IQCM: variants seen among roughly 807,000 people sequenced by gnomAD.
IQCM encodes the protein IQ domain-containing protein M.
Under a neutral mutation model 57.6 loss-of-function variants are expected in IQCM, and 45 were observed. That is an observed-to-expected ratio of 0.78 (90% confidence interval 0.62 to 1.00). IQCM has a LOEUF of 1.00. IQCM is among the 50% of genes least tolerant of loss of function. The probability of loss-of-function intolerance (pLI) is 0.00; values close to 1 mark genes in which losing one functional copy is unlikely to be tolerated. For missense variants in IQCM, 468 were observed against 511.6 expected (o/e 0.91, Z 0.82); for synonymous variants, 148 against 158.9 (o/e 0.93, Z 0.51).
At chr4:149,799,218 A>G (rs1220620364) in intron 2 of IQCM, among the ~76,000 whole-genome samples, 1 of 151,910 alleles carries the variant, frequency 6.6e-6, no homozygotes, top group East Asian at 1.9e-4. Context: ...AAATACATGG[A>G]AATTAAACAA....
At chr4:149,662,899 A>G (rs922327271) in intron 7 of IQCM, among the ~76,000 whole-genome samples, 1 of 151,976 alleles carries the variant, frequency 6.6e-6, no homozygotes, top group South Asian at 2.1e-4. Flanking sequence ...ACCCATTTAC[A>G]TTCTACATTA....
intron 12 of IQCM, among the ~76,000 whole-genome samples, chr4:149,532,376 C>T (rs1324561592): frequency 2.0e-5 from 3 of 151,996 alleles, no homozygotes; most frequent in Non-Finnish European, 4.4e-5. Flanking sequence ...AATAATATTT[C>T]CCAAGAATCA....
chr4:149,451,565 A>G (rs1223312508), intron 12 of IQCM, among the ~76,000 whole-genome samples: 1 of 151,838 alleles, frequency 6.6e-6, no homozygotes, highest in Non-Finnish European at 1.5e-5. Context: ...TCAGACAAAA[A>G]GTCTAAAGAC....
At chr4:149,418,013 G>T (rs1047721078) in intron 13 of IQCM, among the ~76,000 whole-genome samples, 1 of 151,356 alleles carries the variant, frequency 6.6e-6, no homozygotes, top group South Asian at 2.1e-4. Flanking sequence ...CAAAAAGCTA[G>T]GAAGATCTCA....
intron 2 of IQCM, among the ~76,000 whole-genome samples, chr4:149,749,670 C>T (rs1245450981): frequency 6.6e-6 from 1 of 152,042 alleles, no homozygotes; most frequent in Non-Finnish European, 1.5e-5. Flanking sequence ...AGGAATTGTG[C>T]ACTTTTCTGA....
At chr4:149,653,482 TTA>T (rs144444984) in intron 7 of IQCM, among the ~76,000 whole-genome samples, 84 of 148,764 alleles carry the variant, frequency 5.6e-4, no homozygotes, top group Middle Eastern at 3.5e-3. Flanking sequence ...TGTGCACATT[TTA>T]TATATATATA....
chr4:149,626,656 T>C lies in IQCM; in HGVS notation c.566-5412A>G, dbSNP rs576938650. On this transcript the variant is annotated intron_variant, in intron 7 of 13. Transcript: ENST00000636793. ...AGTAGATAAAAATTGTTCAAAAAAA[T>C]AATGACTTCTGGTTCAATATGGTCT... Among the ~76,000 whole-genome samples the C allele has an allele frequency of 4.0e-3, 601 of 150,500 alleles. 4 individuals are homozygous for C. The highest frequency in any genetic ancestry group is 6.8e-3 in the Non-Finnish European group (456 of 67,308).
chr4:149,362,315 A>G (rs1578796094), intron 13 of IQCM, among the ~76,000 whole-genome samples: 1 of 152,118 alleles, frequency 6.6e-6, no homozygotes, highest in African/African-American at 2.4e-5. Flanking sequence ...TTGGGAGGGC[A>G]TGATTGATTT....
chr4:149,550,493 C>T (rs1200920799), intron 11 of IQCM, among the ~76,000 whole-genome samples: 1 of 152,136 alleles, frequency 6.6e-6, no homozygotes, highest in African/African-American at 2.4e-5. Context: ...TTATATGTTT[C>T]TCACAAGATA....
chr4:149,527,674 A>T (rs951287059), intron 12 of IQCM, among the ~76,000 whole-genome samples: 1 of 152,236 alleles, frequency 6.6e-6, no homozygotes, highest in African/African-American at 2.4e-5. Context: ...CACAGGAGTT[A>T]ATAAGGTTCC....
At chr4:149,502,817 G>A (rs1299019170) in intron 12 of IQCM, among the ~76,000 whole-genome samples, 1 of 152,104 alleles carries the variant, frequency 6.6e-6, no homozygotes, top group Non-Finnish European at 1.5e-5. Context: ...GAGGATGAAT[G>A]AGTGAAAATG....
chr4:149,756,206 C>T (rs1319136385), intron 2 of IQCM, among the ~76,000 whole-genome samples: 5 of 152,110 alleles, frequency 3.3e-5, no homozygotes, highest in Non-Finnish European at 7.4e-5. Context: ...GTATACCCCC[C>T]GCCGTGCCTA....
chr4:149,743,034 T>A (rs1767604239), intron 2 of IQCM, among the ~76,000 whole-genome samples: 1 of 152,154 alleles, frequency 6.6e-6, no homozygotes, highest in East Asian at 1.9e-4. Flanking sequence ...CTTAGAGAAG[T>A]AAAATAGCTT....
intron 11 of IQCM, among the ~76,000 whole-genome samples, chr4:149,549,128 CT>C (rs1748753847): frequency 6.6e-6 from 1 of 152,148 alleles, no homozygotes; most frequent in South Asian, 2.1e-4. Context: ...TACTTTGTCA[CT>C]CCTGGCTCAA....
At chr4:149,551,810 C>T (rs1249557106) in intron 11 of IQCM, among the ~76,000 whole-genome samples, 1 of 152,148 alleles carries the variant, frequency 6.6e-6, no homozygotes, top group Non-Finnish European at 1.5e-5. Context: ...CACTCTCTCT[C>T]TCGGTTCTAT....
intron 12 of IQCM, among the ~76,000 whole-genome samples, chr4:149,545,084 C>G (rs911200153): frequency 6.6e-6 from 1 of 152,054 alleles, no homozygotes; most frequent in African/African-American, 2.4e-5. Context: ...TGCCTGTAGT[C>G]CCAGCCACTT....
intron 12 of IQCM, among the ~76,000 whole-genome samples, chr4:149,527,679 G>A (rs1211250072): frequency 6.6e-6 from 1 of 152,158 alleles, no homozygotes; most frequent in Admixed American, 6.5e-5. Context: ...GAGTTAATAA[G>A]GTTCCAAAAG....
intron 8 of IQCM, among the ~76,000 whole-genome samples, chr4:149,602,035 CAAAAAAA>C (rs1236897737): frequency 8.5e-4 from 30 of 35,458 alleles, no homozygotes; most frequent in South Asian, 1.7e-3. Flanking sequence ...GCCTGGGCGA[CAAAAAAA>C]AAAAAAAAAA....
intron 12 of IQCM, among the ~76,000 whole-genome samples, chr4:149,532,713 G>A (rs879763160): frequency 1.9e-4 from 29 of 152,006 alleles, no homozygotes; most frequent in Non-Finnish European, 2.6e-4. Context: ...GCTGTGGCTG[G>A]TGACACCATC....
Sources: gnomAD v4.1 joint callset for allele counts (sites outside exome capture counted in the v4.1 genomes callset) on GRCh38, gnomAD v4.1.1 for gene constraint, MANE v1.5 for transcripts, NCBI Gene and HGNC (gene_info 2026-07-23, HGNC 2026-07-21) for gene names.